DMD: variants seen among roughly 807,000 people sequenced by gnomAD.
DMD encodes mutant dystrophin.
In DMD, 63 loss-of-function variants were observed where a neutral mutation model predicts 330.1. The ratio of observed to expected loss-of-function variants is 0.19; its 90% CI spans 0.16 to 0.24. The LOEUF is 0.24. DMD is among the 10% of genes least tolerant of loss of function. DMD has a pLI of 1.00. For missense variants in DMD, 3,344 were observed against 2,684.1 expected, an observed-to-expected ratio of 1.25 and a Z score of -5.43; for synonymous variants, 1,223 against 959.8, an observed-to-expected ratio of 1.27 and a Z score of -5.07.
intron 67 of DMD, among the ~76,000 whole-genome samples, chrX:31,188,939 C>T (rs1245274924): frequency 9.0e-6 from 1 of 111,580 alleles, no homozygotes; most frequent in Non-Finnish European, 1.9e-5. Context: ...ATTTACCTAT[C>T]AATATAATAA....
chrX:33,079,944 TTTCA>T (rs1190977043), intron 1 of DMD, among the ~76,000 whole-genome samples: 1 of 112,072 alleles, frequency 8.9e-6, no homozygotes, highest in East Asian at 2.8e-4. Context: ...AGCCAAACCC[TTTCA>T]TTATCTTTTA....
At chrX:31,450,857 G>A (rs1178659052) in intron 59 of DMD, among the ~76,000 whole-genome samples, 2 of 111,812 alleles carry the variant, frequency 1.8e-5, no homozygotes, top group African/African-American at 6.5e-5. Flanking sequence ...GGTTTTAAGA[G>A]AGAAGGTGTG....
At chrX:32,505,117 T>C (rs2044487252) in intron 18 of DMD, among the ~76,000 whole-genome samples, 1 of 111,093 alleles carries the variant, frequency 9.0e-6, no homozygotes. Flanking sequence ...TTGTTGATAG[T>C]TTTTTAGATA....
chrX:32,342,968 CACTT>C (rs1315871267), intron 40 of DMD, 162 bp downstream of exon 40: 171 of 526,755 alleles, frequency 3.2e-4, no homozygotes, highest in African/African-American at 2.9e-3. Flanking sequence ...AATTGAATAA[CACTT>C]AATACAATAC....
intron 59 of DMD, among the ~76,000 whole-genome samples, chrX:31,474,193 T>C (rs922489006): frequency 1.3e-4 from 15 of 111,916 alleles, no homozygotes; most frequent in Admixed American, 5.7e-4. Flanking sequence ...ATAATGCCAT[T>C]TCCATAAAGG....
chrX:31,369,395 A>G (rs1339735374), intron 60 of DMD, among the ~76,000 whole-genome samples: 1 of 112,535 alleles, frequency 8.9e-6, no homozygotes, highest in African/African-American at 3.2e-5. Context: ...TTGAGTCAAA[A>G]GATATTGGAG....
Position 32,009,549 on chromosome X carries a change from G to C in DMD, c.6439-41035C>G, listed in dbSNP as rs756029497. On this transcript the variant is annotated intron_variant, in intron 44 of 78. Coordinates refer to ENST00000357033, the MANE Select transcript of DMD (RefSeq NM_004006.3). ...TTATTCTCTAAAGAAAATGGACAGAGATTACTATTTTTATTTGGAGAAAGA... is the reference window on the plus strand; with the variant it reads ...TTATTCTCTAAAGAAAATGGACAGACATTACTATTTTTATTTGGAGAAAGA... 2.9e-3 allele frequency among the ~76,000 whole-genome samples: 326 copies of C among 111,792 alleles called. 1 individual carries two copies. Among genetic ancestry groups the C allele is most frequent in the African/African-American group, 0.01 (314 of 30,881 alleles).
intron 2 of DMD, among the ~76,000 whole-genome samples, chrX:33,004,360 C>G: frequency 9.0e-6 from 1 of 111,395 alleles, no homozygotes; most frequent in East Asian, 2.8e-4. Context: ...ATCATATATT[C>G]TTCTAATGAG....
intron 55 of DMD, among the ~76,000 whole-genome samples, chrX:31,531,760 C>G: frequency 9.2e-6 from 1 of 108,506 alleles, no homozygotes; most frequent in Non-Finnish European, 1.9e-5. Flanking sequence ...GAATGTATAA[C>G]TAGAATAACG....
intron 26 of DMD, among the ~76,000 whole-genome samples, chrX:32,454,268 A>G (rs1355688210): frequency 9.0e-6 from 1 of 111,527 alleles, no homozygotes; most frequent in African/African-American, 3.2e-5. Flanking sequence ...AATGCCTTCA[A>G]ACTACCAAAT....
At chrX:31,232,198 C>CAGA (rs2047285437) in intron 63 of DMD, among the ~76,000 whole-genome samples, 1 of 107,423 alleles carries the variant, frequency 9.3e-6, no homozygotes, top group African/African-American at 3.4e-5. Flanking sequence ...AGAGTGGGCA[C>CAGA]AGATAAGGCC....
rs750534167 is a variant in DMD, at chrX:32,686,559, C to CAAA, written c.960+11308_960+11310dup. Among the ~76,000 whole-genome samples the CAAA allele has an allele frequency of 7.7e-3, 219 of 28,421 alleles. 2 individuals are homozygous for CAAA. Among genetic ancestry groups the CAAA allele is most frequent in the African/African-American group, 0.017 (124 of 7,439 alleles). 24.7% of individuals were successfully genotyped at this position (28,421 alleles called of 115,157 possible). A position where few individuals can be genotyped will look rare whatever the true frequency, so the allele number is the denominator to read the frequency against. The stretch of plus-strand genomic sequence containing the variant: ...GGGCAACAGAGCAAAAACTCCATCT[C>CAAA]AAAAAAAAAAAAAAAAAAAAAAAGA... On this transcript the variant is annotated intron_variant, in intron 9 of 78. Transcript: ENST00000357033.
chrX:33,196,962 G>T (rs1311959864), intron 1 of DMD, among the ~76,000 whole-genome samples: 2 of 111,053 alleles, frequency 1.8e-5, no homozygotes, highest in Non-Finnish European at 3.8e-5. Context: ...TGTCATATAG[G>T]GTTTTTGGTC....
intron 9 of DMD, among the ~76,000 whole-genome samples, chrX:32,647,818 C>A (rs767386015): frequency 2.2e-4 from 25 of 111,650 alleles, no homozygotes; most frequent in Non-Finnish European, 4.7e-4. Flanking sequence ...ATAAATTGCC[C>A]CAAGATTACC....
intron 1 of DMD, among the ~76,000 whole-genome samples, chrX:33,174,352 G>A (rs2049528852): frequency 9.0e-6 from 1 of 110,902 alleles, no homozygotes; most frequent in Admixed American, 9.6e-5. Flanking sequence ...CCAAGGAAGA[G>A]AAAGAGTAAT....
At chrX:33,293,226 A>T (rs2053539686) in intron 1 of DMD, among the ~76,000 whole-genome samples, 1 of 111,607 alleles carries the variant, frequency 9.0e-6, no homozygotes. Flanking sequence ...CCTTGGCTAT[A>T]GCAGGTTGTC....
At chrX:32,986,629 C>T (rs913018660) in intron 2 of DMD, among the ~76,000 whole-genome samples, 1 of 112,146 alleles carries the variant, frequency 8.9e-6, no homozygotes, top group Non-Finnish European at 1.9e-5. Context: ...AACCAATCCT[C>T]TAGGTGCTTT....
rs191819958 is a variant in DMD at position 32,281,853 on chromosome X, A to T, written c.6290+5676T>A. Reference sequence around the variant, plus strand: ...TTTTTTGCTATAGAAATGTAATAATATAGAAATAAATACTCTTAGTCTCAT... The same window carrying T: ...TTTTTTGCTATAGAAATGTAATAATTTAGAAATAAATACTCTTAGTCTCAT... On this transcript the variant is annotated intron_variant, in intron 43 of 78. Coordinates refer to ENST00000357033, the MANE Select transcript of DMD (RefSeq NM_004006.3). Among the ~76,000 whole-genome samples, 621 of 111,786 alleles carry T rather than the reference A, an allele frequency of 5.6e-3. 22 individuals are homozygous for T. Among genetic ancestry groups the T allele is most frequent in the Admixed American group, 0.056 (580 of 10,449 alleles).
chrX:31,783,634 C>T (rs948816247), intron 50 of DMD, among the ~76,000 whole-genome samples: 1 of 111,074 alleles, frequency 9.0e-6, no homozygotes, highest in African/African-American at 3.3e-5. Flanking sequence ...ATGTACTAAG[C>T]AGAGTCCTTA....
Sources: gnomAD v4.1 joint callset for allele counts (sites outside exome capture counted in the v4.1 genomes callset) on GRCh38, gnomAD v4.1.1 for gene constraint, MANE v1.5 for transcripts, NCBI Gene and HGNC (gene_info 2026-07-23, HGNC 2026-07-21) for gene names.